FBXO34: variants seen among roughly 807,000 people sequenced by gnomAD.
FBXO34 encodes the protein F-box only protein 34.
FBXO34 carries 12 observed loss-of-function variants against 24.5 expected under a neutral mutation model. That is an observed-to-expected ratio of 0.49 (90% CI 0.31 to 0.79). The LOEUF is 0.79. FBXO34 is among the 30% of genes least tolerant of loss of function. The pLI, the probability that FBXO34 is intolerant of heterozygous loss-of-function variation, is 0.04. For missense variants in FBXO34, 823 were observed against 857.7 expected, an observed-to-expected ratio of 0.96 and a Z score of 0.51; for synonymous variants, 320 against 311.9, an observed-to-expected ratio of 1.03 and a Z score of -0.27.
intron 1 of FBXO34, among the ~76,000 whole-genome samples, chr14:55,306,354 T>C (rs1215928147): frequency 1.3e-5 from 2 of 152,254 alleles, no homozygotes; most frequent in Admixed American, 6.5e-5. Flanking sequence ...GCACTTCTAT[T>C]GTTTGTGAAA....
the FBXO34 span, chr14:55,424,095 G>A: frequency 8.6e-7 from 1 of 1,156,872 alleles, no homozygotes; most frequent in Admixed American, 1.9e-5. Context: ...GTATTTAAAA[G>A]AATAAGCAAA....
At chr14:55,400,592 A>G in the FBXO34 span, among the ~76,000 whole-genome samples, 50 of 152,264 alleles carry the variant, frequency 3.3e-4, 1 homozygote, top group African/African-American at 1.2e-3. Flanking sequence ...AAGTTTCTCC[A>G]TGAGAAATTC....
At chr14:55,349,566 G>A (rs1884268749) in intron 1 of FBXO34, among the ~76,000 whole-genome samples, 2 of 148,518 alleles carry the variant, frequency 1.3e-5, no homozygotes, top group South Asian at 2.1e-4. Context: ...TAAATATTCA[G>A]TATTCAGTGG....
At chr14:55,276,754 G>A (rs561181324) in intron 1 of FBXO34, among the ~76,000 whole-genome samples, 2 of 152,298 alleles carry the variant, frequency 1.3e-5, no homozygotes, top group Admixed American at 1.3e-4. Context: ...ACTATTACAA[G>A]GTGATAGATT....
chr14:55,271,849 G>T (rs1566534751), intron 1 of FBXO34: 1 of 152,036 alleles, frequency 6.6e-6, no homozygotes, highest in African/African-American at 2.4e-5. Flanking sequence ...CGGATAGGCC[G>T]TGAGCTTGCA....
At chr14:55,388,776 G>C in the FBXO34 span, among the ~76,000 whole-genome samples, 1 of 152,182 alleles carries the variant, frequency 6.6e-6, no homozygotes, top group African/African-American at 2.4e-5. Context: ...TCTAGAGGGT[G>C]GGAAGGAGAC....
the FBXO34 span, chr14:55,380,483 C>A: frequency 1.2e-6 from 1 of 834,988 alleles, no homozygotes; most frequent in Admixed American, 2.3e-5. Context: ...TACTTACATT[C>A]TTATTTTTGG....
At chr14:55,369,976 C>T, downstream of FBXO34, 2 of 1,512,200 alleles carry the variant, frequency 1.3e-6, no homozygotes, top group Non-Finnish European at 8.9e-7. Context: ...TTCTCAACAC[C>T]AGAAAATATG....
At chr14:55,349,741 G>C (rs1489863036) in intron 1 of FBXO34, among the ~76,000 whole-genome samples, 1 of 151,632 alleles carries the variant, frequency 6.6e-6, no homozygotes, top group Admixed American at 6.6e-5. Context: ...CGAGTAGCTG[G>C]GATTACAGGC....
At chr14:55,407,196 T>C in the FBXO34 span, among the ~76,000 whole-genome samples, 94 of 152,312 alleles carry the variant, frequency 6.2e-4, no homozygotes, top group South Asian at 1.4e-3. Context: ...TGGTGTGATC[T>C]TGGCTCACTG....
chr14:55,275,705 T>C (rs1452250455), intron 1 of FBXO34, among the ~76,000 whole-genome samples: 1 of 149,896 alleles, frequency 6.7e-6, no homozygotes, highest in Non-Finnish European at 1.5e-5. Context: ...GTACCTGTAG[T>C]CCCAGCTACT....
chr14:55,308,518 A>G (rs1462000769), intron 1 of FBXO34, among the ~76,000 whole-genome samples: 2 of 152,214 alleles, frequency 1.3e-5, no homozygotes, highest in Admixed American at 6.5e-5. Context: ...TATTTTACAG[A>G]TGATGAAACT....
downstream of FBXO34, among the ~76,000 whole-genome samples, chr14:55,365,241 A>AAAC (rs1884655362): frequency 6.9e-6 from 1 of 145,622 alleles, no homozygotes; most frequent in Non-Finnish European, 1.5e-5. Context: ...AAAAAAAAAA[A>AAAC]AAAACAAAAA....
chr14:55,377,922 A>G, the FBXO34 span: 1 of 1,593,886 alleles, frequency 6.3e-7, no homozygotes, highest in Non-Finnish European at 8.5e-7. Context: ...AAATTAAAGA[A>G]TTGGTTAATA....
chr14:55,320,568 G>A (rs891480649), intron 1 of FBXO34, among the ~76,000 whole-genome samples: 9 of 152,126 alleles, frequency 5.9e-5, no homozygotes, highest in East Asian at 3.9e-4. Context: ...TGGTTAACAC[G>A]GTGAAACCCC....
At chr14:55,285,672 T>G (rs1458591107) in intron 1 of FBXO34, 2 of 152,210 alleles carry the variant, frequency 1.3e-5, no homozygotes, top group African/African-American at 4.8e-5. Context: ...TTTTAGCAAT[T>G]AAAATCTCCC....
the FBXO34 span, chr14:55,411,844 G>A: frequency 6.4e-7 from 1 of 1,560,182 alleles, no homozygotes; most frequent in Non-Finnish European, 8.7e-7. Flanking sequence ...AGGAGAGCCA[G>A]TCACGTGGGA....
At chr14:55,380,855 G>GTGTA in the FBXO34 span, among the ~76,000 whole-genome samples, 1 of 118,084 alleles carries the variant, frequency 8.5e-6, no homozygotes, top group East Asian at 2.2e-4. Context: ...TTCTTTGTGT[G>GTGTA]TATATATATA....
At chr14:55,333,351 T>C (rs945847798) in intron 1 of FBXO34, among the ~76,000 whole-genome samples, 4 of 152,242 alleles carry the variant, frequency 2.6e-5, no homozygotes, top group Admixed American at 6.5e-5. Context: ...GCTCTAGTTT[T>C]ACCATCTAAT....
Sources: gnomAD v4.1 joint callset for allele counts (sites outside exome capture counted in the v4.1 genomes callset) on GRCh38, gnomAD v4.1.1 for gene constraint, MANE v1.5 for transcripts, NCBI Gene and HGNC (gene_info 2026-07-23, HGNC 2026-07-21) for gene names.